Variants in ACSF3 observed in about 807,000 individuals in gnomAD.
ACSF3 encodes acyl-CoA synthetase family member 3, also known as malonate--CoA ligase ACSF3, mitochondrial.
Under a neutral mutation model 53.2 loss-of-function variants are expected in ACSF3, and 78 were observed. That is an observed-to-expected ratio of 1.47 (90% CI 1.22 to 1.77). ACSF3 has a LOEUF of 1.77. ACSF3 is among the 40% of genes most tolerant of loss of function. ACSF3 has a pLI of 0.00. For missense variants in ACSF3, 937 were observed against 771.1 expected, an observed-to-expected ratio of 1.22 and a Z score of -2.55; for synonymous variants, 414 against 333.1, an observed-to-expected ratio of 1.24 and a Z score of -2.65.
intron 10 of ACSF3, chr16:89,152,642 C>G (rs1914236951): frequency 6.6e-6 from 1 of 152,186 alleles, no homozygotes; most frequent in African/African-American, 2.4e-5. Flanking sequence ...CCTCACCACA[C>G]TGTACATAGG....
chr16:89,112,322 C>G (rs1307222578), intron 5 of ACSF3, 76 bp downstream of exon 5: 1 of 1,571,808 alleles, frequency 6.4e-7, no homozygotes, highest in East Asian at 2.2e-5. Context: ...TAATAAATCA[C>G]TCCTACTAAG....
chr16:89,098,877 T>TA, intron 2 of ACSF3, 114 bp downstream of exon 2: 1 of 437,844 alleles, frequency 2.3e-6, no homozygotes, highest in African/African-American at 2.0e-5. Flanking sequence ...CCTAACCTAA[T>TA]ATGTGTGTAT....
chr16:89,144,607 T>C (rs1912533851), intron 8 of ACSF3, among the ~76,000 whole-genome samples: 1 of 152,208 alleles, frequency 6.6e-6, no homozygotes, highest in Non-Finnish European at 1.5e-5. Context: ...TTTGTGGGCC[T>C]GAGAGAAATG....
Position 89,156,025 on chromosome 16 carries a change from C to A in ACSF3, c.*1818C>A, listed in dbSNP as rs1914668815. On this transcript the variant is annotated 3_prime_UTR_variant, in exon 11 of 11. Coordinates refer to ENST00000614302, the MANE Select transcript of ACSF3 (RefSeq NM_001243279.3). ...AGCCGGTTGACCAGAATACGGTGCT[C>A]CAAGGACATGCGGTTGAATGCCGTG... Among the ~76,000 whole-genome samples, 1 of 152,144 alleles carries A rather than the reference C, an allele frequency of 6.6e-6. No individual in the cohort carries two copies. Among genetic ancestry groups the A allele is most frequent in the African/African-American group, 2.4e-5 (1 of 41,438 alleles).
chr16:89,120,408 C>A (rs1906341155), intron 6 of ACSF3, among the ~76,000 whole-genome samples: 1 of 152,242 alleles, frequency 6.6e-6, no homozygotes. Flanking sequence ...AGGCGCCAGC[C>A]CTCCCTGGCC....
chr16:89,143,818 C>T (rs555091372), intron 8 of ACSF3, among the ~76,000 whole-genome samples: 2 of 152,314 alleles, frequency 1.3e-5, no homozygotes, highest in East Asian at 3.9e-4. Context: ...CCCACCTGGG[C>T]ACACCCATCC....
chr16:89,145,610 C>T (rs112270231), intron 9 of ACSF3, among the ~76,000 whole-genome samples: 1 of 152,216 alleles, frequency 6.6e-6, no homozygotes, highest in African/African-American at 2.4e-5. Flanking sequence ...ACCCCGTGCC[C>T]ACCAGAGCTC....
At chr16:89,145,151 C>T (rs1250655662) in intron 8 of ACSF3, 116 bp from the exon 9 acceptor site, 6 of 1,610,720 alleles carry the variant, frequency 3.7e-6, no homozygotes, top group Middle Eastern at 1.7e-4. Context: ...CCAGAGCCCC[C>T]TTTCCTCAGA....
rs555260085 is a variant in ACSF3, at chr16:89,124,099, A to G, written c.1239+3186A>G. 1.4e-4 allele frequency among the ~76,000 whole-genome samples: 19 copies of G among 137,964 alleles called. No homozygotes were observed. In the South Asian group the frequency reaches 4.3e-3, roughly 31 times the overall value. The allele number at this position is 137,964 out of a possible 152,430, so 90.5% of individuals were successfully genotyped here. On this transcript the variant is annotated intron_variant, in intron 7 of 10. Transcript: ENST00000614302. The stretch of plus-strand genomic sequence containing the variant: ...CATGCCTAGTGTGCGCATGGGTATC[A>G]CACACATGCCTAGTGTGCGCATGGG...
At chr16:89,148,180 C>CTA (rs1913473333) in intron 10 of ACSF3, 1 of 139,700 alleles carries the variant, frequency 7.2e-6, no homozygotes, top group Admixed American at 7.5e-5. Flanking sequence ...TCTCAGCTTA[C>CTA]TATAGCCTCT....
At position 89,128,855 on chromosome 16, in the gene ACSF3, G is replaced by A. The variant is rs112562287; in HGVS notation, c.1240-4281G>A. ...AAAAGAGTATATATTCTGCCCAGGC[G>A]CAGTGGCTCACACCTGTAATCCCAA... On this transcript the variant is annotated intron_variant, in intron 7 of 10. Transcript: ENST00000614302. Among the ~76,000 whole-genome samples the A allele has an allele frequency of 2.2e-3, 330 of 152,196 alleles. 2 individuals carry two copies. Among genetic ancestry groups the A allele is most frequent in the African/African-American group, 7.5e-3 (311 of 41,522 alleles).
intron 4 of ACSF3, among the ~76,000 whole-genome samples, chr16:89,106,585 C>T (rs1976016658): frequency 6.6e-6 from 1 of 152,206 alleles, no homozygotes; most frequent in South Asian, 2.1e-4. Flanking sequence ...AGCCACTATG[C>T]CCAGCTGAAA....
intron 8 of ACSF3, among the ~76,000 whole-genome samples, chr16:89,133,667 C>A: frequency 6.6e-6 from 1 of 152,256 alleles, no homozygotes; most frequent in East Asian, 1.9e-4. Context: ...TACCCAGAGA[C>A]CTCACCACCC....
At chr16:89,145,831 T>C (rs1912828423) in intron 9 of ACSF3, 107 bp from the exon 10 acceptor site, 9 of 993,398 alleles carry the variant, frequency 9.1e-6, no homozygotes, top group Non-Finnish European at 1.3e-5. Context: ...AAGGACGGGC[T>C]CCAGGGCTGC....
At chr16:89,143,600 C>T (rs1912309122) in intron 8 of ACSF3, among the ~76,000 whole-genome samples, 1 of 152,156 alleles carries the variant, frequency 6.6e-6, no homozygotes, top group Non-Finnish European at 1.5e-5. Flanking sequence ...GGCTGCACAG[C>T]AGGAGCAGGA....
chr16:89,145,356 G>A lies in ACSF3; in HGVS notation c.1456G>A (p.Ala486Thr), dbSNP rs192339782. 334 of 1,614,184 alleles carry A rather than the reference G, an allele frequency of 2.1e-4. 6 individuals carry two copies. The East Asian group carries it at 6.3e-3, about 31-fold the overall frequency. Residue 486 changes from alanine (A) to threonine (T), a missense_variant, in exon 9 of 11, where the codon GCC (alanine) becomes ACC (threonine). Physicochemically the swap from Ala to Thr is moderately conservative, Grantham distance 58. Coordinates refer to ENST00000614302, the MANE Select transcript of ACSF3 (RefSeq NM_001243279.3). ...CAAGACTGGAGGCTACAAGGTCAGC[G>A]CCCTGGAGGTGGAGTGGCACCTGCT... ...IIKTGGYKVS[A>T]LEVEWHLLAH... is the part of the protein sequence containing the mutation.
chr16:89,117,878 G>A (rs1161228540), intron 6 of ACSF3, among the ~76,000 whole-genome samples: 1 of 103,210 alleles, frequency 9.7e-6, no homozygotes, highest in East Asian at 2.6e-4. Flanking sequence ...ACCAATCCCC[G>A]AGTCTTCAGC....
chr16:89,112,991 C>T lies in ACSF3; in HGVS notation c.977+745C>T, dbSNP rs534939861. ...CAGGACAAGCTGGTCTTTTGGGCCA[C>T]CCAGGGGCGTGTTTGCTCTGCACTC... is the stretch of plus-strand genomic sequence containing the variant. On this transcript the variant is annotated intron_variant, in intron 5 of 10. Coordinates refer to ENST00000614302, the MANE Select transcript of ACSF3 (RefSeq NM_001243279.3). 9.9e-5 allele frequency among the ~76,000 whole-genome samples: 15 copies of T among 152,250 alleles called. No homozygotes were observed. The South Asian group carries it at 3.1e-3, about 32-fold the overall frequency.
Position 89,127,075 on chromosome 16 carries a change from T to C in ACSF3, c.1240-6061T>C, listed in dbSNP as rs1459881712. The stretch of plus-strand genomic sequence containing the variant: ...CATTCCCAGGACAAACCCCACTTGG[T>C]CCTGGTGGGTCATTTTTTTATATAT... On this transcript the variant is annotated intron_variant, in intron 7 of 10. Coordinates refer to ENST00000614302, the MANE Select transcript of ACSF3 (RefSeq NM_001243279.3). Among the ~76,000 whole-genome samples, 3 of 152,338 alleles carry C rather than the reference T, an allele frequency of 2.0e-5. No homozygotes were observed. The East Asian group carries it at 5.8e-4, about 29-fold the overall frequency.
Sources: allele counts gnomAD v4.1 joint callset (sites outside exome capture counted in the v4.1 genomes callset), GRCh38; gene constraint gnomAD v4.1.1; transcripts MANE v1.5; gene names NCBI Gene and HGNC (gene_info 2026-07-23, HGNC 2026-07-21).